FOXP1: variants seen among roughly 807,000 people sequenced by gnomAD.
The protein encoded by FOXP1 is forkhead box protein P1.
Under a neutral mutation model 98.2 loss-of-function variants are expected in FOXP1, and 15 were observed. That is an observed-to-expected ratio of 0.15 (90% CI 0.10 to 0.24). FOXP1 has a LOEUF of 0.24. Ranked by LOEUF, FOXP1 falls within the 10% of genes least tolerant of loss-of-function variation. FOXP1 has a pLI of 1.00. For missense variants in FOXP1, 633 were observed against 848.5 expected, an observed-to-expected ratio of 0.75 and a Z score of 3.15; for synonymous variants, 371 against 314.5, an observed-to-expected ratio of 1.18 and a Z score of -1.90.
chr3:71,536,714 A>AT (rs1431020178), intron 2 of FOXP1, among the ~76,000 whole-genome samples: 3 of 152,048 alleles, frequency 2.0e-5, no homozygotes, highest in Non-Finnish European at 4.4e-5. Flanking sequence ...TAGCAGAGGC[A>AT]TTACAAAGGA....
intron 3 of FOXP1, among the ~76,000 whole-genome samples, chr3:71,363,142 T>C (rs2078688268): frequency 6.6e-6 from 1 of 151,882 alleles, no homozygotes; most frequent in African/African-American, 2.4e-5. Flanking sequence ...AAAAAAGGTG[T>C]GTTTAGATCT....
intron 6 of FOXP1, among the ~76,000 whole-genome samples, chr3:71,192,872 AC>A (rs1283539185): frequency 6.6e-6 from 1 of 151,996 alleles, no homozygotes; most frequent in Non-Finnish European, 1.5e-5. Flanking sequence ...CTAGTCTCAA[AC>A]TCCTCAGCTC....
intron 3 of FOXP1, among the ~76,000 whole-genome samples, chr3:71,364,937 T>C (rs1476523284): frequency 6.6e-6 from 1 of 152,252 alleles, no homozygotes; most frequent in African/African-American, 2.4e-5. Flanking sequence ...AGAAAAGAGT[T>C]GGTAAACTTT....
At chr3:71,257,680 C>T (rs1259504359) in intron 5 of FOXP1, among the ~76,000 whole-genome samples, 1 of 151,730 alleles carries the variant, frequency 6.6e-6, no homozygotes, top group Non-Finnish European at 1.5e-5. Flanking sequence ...AATGGAGCCA[C>T]GGGAGTATTT....
intron 1 of FOXP1, 91 bp from the exon 2 acceptor site, chr3:71,581,788 C>T: frequency 1.0e-6 from 1 of 985,740 alleles, no homozygotes; most frequent in Non-Finnish European, 1.2e-6. Flanking sequence ...GTGAGTAGGC[C>T]GAGGGGCCAG....
At chr3:71,016,057 C>G (rs2044428729) in intron 11 of FOXP1, among the ~76,000 whole-genome samples, 1 of 152,188 alleles carries the variant, frequency 6.6e-6, no homozygotes, top group African/African-American at 2.4e-5. Flanking sequence ...ATTTTCTCCT[C>G]TTCCCTTCCC....
At chr3:71,537,018 G>A (rs1041941980) in intron 2 of FOXP1, among the ~76,000 whole-genome samples, 4 of 152,172 alleles carry the variant, frequency 2.6e-5, no homozygotes, top group Non-Finnish European at 4.4e-5. Flanking sequence ...CAGGATGTCA[G>A]GTGGACGTGG....
rs1428884309 is a variant in FOXP1 at position 71,393,791 on chromosome 3, C to T, written c.-167-34547G>A. On this transcript the variant is annotated intron_variant, in intron 3 of 20. Transcript: ENST00000649528. The stretch of plus-strand genomic sequence containing the variant: ...AGTTCAGAATCTCTAGGGCCACTTA[C>T]ATGGCTCCTGAAAACTACTCTTGGA... Among the ~76,000 whole-genome samples, 3 of 152,226 alleles carry T rather than the reference C, an allele frequency of 2.0e-5. No homozygotes were observed. The East Asian group carries it at 5.8e-4, about 29-fold the overall frequency.
chr3:71,375,205 A>T (rs1282961861), intron 3 of FOXP1, among the ~76,000 whole-genome samples: 1 of 152,242 alleles, frequency 6.6e-6, no homozygotes, highest in African/African-American at 2.4e-5. Flanking sequence ...GAAAAAACAG[A>T]AAAGAGCTTC....
At chr3:71,338,778 T>A (rs1267848122) in intron 4 of FOXP1, among the ~76,000 whole-genome samples, 1 of 152,152 alleles carries the variant, frequency 6.6e-6, no homozygotes, top group African/African-American at 2.4e-5. Flanking sequence ...AAAATAGGAC[T>A]ACAGAACTTG....
At chr3:71,232,279 C>T (rs1288814) in intron 5 of FOXP1, among the ~76,000 whole-genome samples, 47,933 of 152,074 alleles carry the variant, frequency 0.32, 7,748 homozygotes, top group East Asian at 0.45. Flanking sequence ...CAAGTGCTAT[C>T]GATTATCAGT....
At chr3:71,060,848 C>T (rs1257546725) in intron 7 of FOXP1, among the ~76,000 whole-genome samples, 1 of 152,198 alleles carries the variant, frequency 6.6e-6, no homozygotes, top group African/African-American at 2.4e-5. Flanking sequence ...CTCACCATAA[C>T]ATTTAGCCTG....
intron 3 of FOXP1, among the ~76,000 whole-genome samples, chr3:71,437,651 T>G (rs949095821): frequency 2.0e-5 from 3 of 151,942 alleles, no homozygotes; most frequent in Admixed American, 2.0e-4. Flanking sequence ...GGCTCCACCA[T>G]CCTCTCTCTC....
chr3:71,466,919 T>C (rs573800291), intron 3 of FOXP1, among the ~76,000 whole-genome samples: 2 of 152,330 alleles, frequency 1.3e-5, no homozygotes, highest in Admixed American at 1.3e-4. Context: ...TACGTTTTGT[T>C]TGTCTTTACA....
intron 13 of FOXP1, among the ~76,000 whole-genome samples, chr3:70,997,120 C>T (rs1422372067): frequency 1.3e-5 from 2 of 152,098 alleles, no homozygotes; most frequent in Non-Finnish European, 2.9e-5. Context: ...GCAGGTAATC[C>T]CCTCTAAAGG....
intron 3 of FOXP1, among the ~76,000 whole-genome samples, chr3:71,465,719 G>C (rs1296914067): frequency 6.6e-6 from 1 of 152,130 alleles, no homozygotes; most frequent in East Asian, 1.9e-4. Flanking sequence ...TCTAAGCTAG[G>C]GGTCCTTAAC....
chr3:71,123,148 C>T (rs1156616197), intron 6 of FOXP1, among the ~76,000 whole-genome samples: 2 of 152,110 alleles, frequency 1.3e-5, no homozygotes, highest in Admixed American at 6.5e-5. Context: ...CTTCTTTCAT[C>T]TAAATTCAAC....
intron 2 of FOXP1, among the ~76,000 whole-genome samples, chr3:71,577,198 ACTGT>A (rs965576159): frequency 4.6e-5 from 7 of 152,146 alleles, no homozygotes; most frequent in African/African-American, 1.7e-4. Context: ...AACAAAGAAC[ACTGT>A]CTAATTGTCT....
chr3:71,012,049 T>C (rs2043730756), intron 12 of FOXP1, among the ~76,000 whole-genome samples: 1 of 152,198 alleles, frequency 6.6e-6, no homozygotes, highest in African/African-American at 2.4e-5. Context: ...AAGTTAGCCA[T>C]TAACAAAATG....
Sources: allele counts gnomAD v4.1 joint callset (sites outside exome capture counted in the v4.1 genomes callset), GRCh38; gene constraint gnomAD v4.1.1; transcripts MANE v1.5; gene names NCBI Gene and HGNC (gene_info 2026-07-23, HGNC 2026-07-21).